Variants in CREB3L1 observed in about 807,000 individuals in gnomAD.
CREB3L1 encodes the protein cyclic AMP-responsive element-binding protein 3-like protein 1.
Under a neutral mutation model 54.5 loss-of-function variants are expected in CREB3L1, and 33 were observed. The observed-to-expected ratio is 0.61, with a 90% CI of 0.46 to 0.81. The LOEUF (loss-of-function observed/expected upper bound fraction) is 0.81. Among genes scored for constraint, CREB3L1 ranks in the 30% least tolerant of loss-of-function variants. CREB3L1 has a pLI of 0.00. For synonymous variants in CREB3L1, 284 were observed against 286.4 expected (o/e 0.99, Z 0.08); for missense variants, 656 against 673.3 (o/e 0.97, Z 0.29).
chr11:46,311,439 T>G lies in CREB3L1; in HGVS notation c.753+250T>G, dbSNP rs142007029. On this transcript the variant is annotated intron_variant, in intron 5 of 11. Coordinates refer to ENST00000621158, the MANE Select transcript of CREB3L1 (RefSeq NM_052854.4). ...ACATCTGCCTCCCAGGTTCAAGCAATTCTCCTGTCTCAGCCTCCCAAGTAG... is the reference window on the plus strand; with the variant it reads ...ACATCTGCCTCCCAGGTTCAAGCAAGTCTCCTGTCTCAGCCTCCCAAGTAG... Among the ~76,000 whole-genome samples, 1,042 of 152,248 alleles carry G rather than the reference T, an allele frequency of 6.8e-3. 16 individuals are homozygous for G. Among genetic ancestry groups the G allele is most frequent in the African/African-American group, 0.024 (997 of 41,538 alleles).
intron 2 of CREB3L1, among the ~76,000 whole-genome samples, chr11:46,302,905 C>T (rs528510398): frequency 4.6e-5 from 7 of 152,178 alleles, no homozygotes; most frequent in African/African-American, 9.6e-5. Flanking sequence ...TGCTTGAACC[C>T]GGGAGGCGGA....
intron 10 of CREB3L1, among the ~76,000 whole-genome samples, chr11:46,318,780 T>TG (rs1349651659): frequency 2.0e-4 from 31 of 151,786 alleles, no homozygotes; most frequent in Non-Finnish European, 3.1e-4. Context: ...AGGAAACAGA[T>TG]GGGAGGTCAG....
At chr11:46,290,864 GC>G (rs1939120418) in intron 1 of CREB3L1, among the ~76,000 whole-genome samples, 1 of 152,098 alleles carries the variant, frequency 6.6e-6, no homozygotes, top group Admixed American at 6.5e-5. Context: ...CACTGGAAGG[GC>G]CCCAGCTGGC....
Position 46,321,074 on chromosome 11 carries a change from C to A in CREB3L1, c.*328C>A, listed in dbSNP as rs2136361612. On this transcript the variant is annotated 3_prime_UTR_variant, in exon 12 of 12. Coordinates refer to ENST00000621158, the MANE Select transcript of CREB3L1 (RefSeq NM_052854.4). ...CACCCAAACAGACACATCAACGCAC[C>A]CCACTCACAGACACCCCTTACCCCA... 1 of 560,788 alleles carries A rather than the reference C, an allele frequency of 1.8e-6. No homozygotes were observed. The highest frequency in any genetic ancestry group is 3.1e-5 in the East Asian group (1 of 32,678). 34.7% of individuals were successfully genotyped at this position (560,788 alleles called of 1,614,324 possible). A position where few individuals can be genotyped will look rare whatever the true frequency, so the allele number is the denominator to read the frequency against.
chr11:46,280,345 G>A (rs1018072492), intron 1 of CREB3L1, among the ~76,000 whole-genome samples: 2 of 151,724 alleles, frequency 1.3e-5, no homozygotes, highest in Non-Finnish European at 2.9e-5. Flanking sequence ...CCGCCACCAC[G>A]CCCGGCTAAT....
intron 1 of CREB3L1, among the ~76,000 whole-genome samples, chr11:46,299,128 C>A (rs4319486): frequency 0.28 from 43,300 of 151,934 alleles, 6,308 homozygotes; most frequent in Middle Eastern, 0.35. Flanking sequence ...GTGCTGTGCA[C>A]TCTGATATTT....
chr11:46,309,576 G>A (rs541005209), intron 3 of CREB3L1, among the ~76,000 whole-genome samples: 3 of 152,184 alleles, frequency 2.0e-5, no homozygotes, highest in Non-Finnish European at 2.9e-5. Flanking sequence ...GAGCATCCTC[G>A]GAGCCCCCAG....
In CREB3L1 at chr11:46,307,949, C is replaced by A. The variant is rs1441402872; in HGVS notation, c.465C>A (p.Thr155=). 2.6e-6 allele frequency: 4 copies of A among 1,566,094 alleles called. No homozygotes were observed. Among genetic ancestry groups the A allele is most frequent in the Non-Finnish European group, 1.7e-6 (2 of 1,157,660 alleles). The change falls in exon 3 of 12, where the codon ACC becomes ACA. Residue 155 remains threonine, a synonymous_variant. Transcript: ENST00000621158. ...SAMAAAAAMA[T]TPLLGLSPLS... is the part of the protein sequence containing the mutation. ...TGGCTGCCGCGGCCGCCATGGCCAC[C>A]ACCCCGCTGCTGGGCCTCAGCCCCT...
intron 2 of CREB3L1, among the ~76,000 whole-genome samples, chr11:46,303,432 C>T (rs1939331887): frequency 6.6e-6 from 1 of 151,830 alleles, no homozygotes; most frequent in East Asian, 1.9e-4. Flanking sequence ...ATTGCTTGAG[C>T]CCAGGAGTTC....
At chr11:46,282,046 G>A (rs1938984450) in intron 1 of CREB3L1, among the ~76,000 whole-genome samples, 1 of 152,142 alleles carries the variant, frequency 6.6e-6, no homozygotes, top group Admixed American at 6.5e-5. Context: ...CAGTGTTGAG[G>A]GAACAGTTCC....
chr11:46,305,284 G>T (rs1161436841), intron 2 of CREB3L1, among the ~76,000 whole-genome samples: 2 of 152,136 alleles, frequency 1.3e-5, no homozygotes, highest in Admixed American at 6.5e-5. Context: ...AGGCCCACTA[G>T]GTGGGCAGGA....
chr11:46,303,675 C>T (rs758993500), intron 2 of CREB3L1, among the ~76,000 whole-genome samples: 2 of 151,732 alleles, frequency 1.3e-5, no homozygotes, highest in Non-Finnish European at 2.9e-5. Context: ...TAATTAGTGA[C>T]TATTTTCACT....
chr11:46,292,195 G>A (rs1388307319), intron 1 of CREB3L1, among the ~76,000 whole-genome samples: 2 of 152,220 alleles, frequency 1.3e-5, no homozygotes, highest in African/African-American at 4.8e-5. Flanking sequence ...CCCGGAGAAT[G>A]GGTACAGCGG....
chr11:46,311,009 T>C (rs755326376), intron 4 of CREB3L1, 23 bp from the exon 5 acceptor site: 23 of 1,551,422 alleles, frequency 1.5e-5, no homozygotes, highest in Admixed American at 7.8e-5. Flanking sequence ...CGTTGCTAAC[T>C]CGGTTTCCCC....
intron 2 of CREB3L1, among the ~76,000 whole-genome samples, chr11:46,306,944 G>A (rs531940289): frequency 3.3e-5 from 5 of 151,244 alleles, no homozygotes; most frequent in African/African-American, 1.2e-4. Flanking sequence ...TGCGATCTCA[G>A]CCCACTGCAA....
chr11:46,320,461 T>C lies in CREB3L1; in HGVS notation c.1456T>C (p.Trp486Arg), dbSNP rs1939633552. ...GACCACCAAGTACCTGAGTGAGGCC[T>C]GGCCTAAAGACGGTGGAAACGGCAC... The part of the protein sequence containing the change: ...HETTKYLSEA[W>R]PKDGGNGTSP... Residue 486 changes from tryptophan to arginine, a missense_variant, in exon 11 of 12, where the codon TGG becomes CGG. Around this residue, in one of 3 missense-constraint regions of CREB3L1, gnomAD observed 240 missense variants for 219.8 expected, o/e 1.09. Transcript: ENST00000621158. The C allele has an allele frequency of 1.9e-6, 3 of 1,605,604 alleles. No homozygotes were observed. Among genetic ancestry groups the C allele is most frequent in the Non-Finnish European group, 2.6e-6 (3 of 1,176,214 alleles).
In CREB3L1 at chr11:46,320,326, A is replaced by T. The variant is rs1176092711; in HGVS notation, c.1321A>T (p.Thr441Ser). The T allele has an allele frequency of 6.2e-6, 10 of 1,612,798 alleles. No individual in the cohort carries two copies. The change falls in exon 11 of 12, where the codon ACC becomes TCC. Residue 441 changes from threonine (T) to serine (S), a missense_variant. Thr to Ser is a moderately conservative substitution (Grantham distance 58). This residue lies in a region of CREB3L1 where 240 missense variants were observed against 219.8 expected (regional missense o/e 1.09). Coordinates refer to ENST00000621158, the MANE Select transcript of CREB3L1 (RefSeq NM_052854.4). ...AGGCTTATGGGAAGATGGCCGCAGC[A>T]CCCTGCTGCCCATGGAGCCCCCAGA... ...GAGLWEDGRS[T>S]LLPMEPPDGW...
rs1939565653 is a variant in CREB3L1, at chr11:46,316,316, G to A, written c.1062G>A (p.Gln354=). 1 of 1,573,020 alleles carries A rather than the reference G, an allele frequency of 6.4e-7. No individual in the cohort carries two copies. The highest frequency in any genetic ancestry group is 8.6e-7 in the Non-Finnish European group (1 of 1,159,410). The change falls in exon 9 of 12, where the codon CAG becomes CAA. Residue 354 remains glutamine (Q), a synonymous_variant. Transcript: ENST00000621158. The stretch of plus-strand genomic sequence containing the variant: ...TGCTCCAGCAGCTGCAGAAACTCCA[G>A]ACTCTGGTCACCAACAAGATCTCCA... ...RTLLQQLQKL[Q]TLVTNKISRP...
In CREB3L1 at chr11:46,308,197, G is replaced by A. The variant is rs76848697; in HGVS notation, c.516+197G>A. 0.031 allele frequency among the ~76,000 whole-genome samples: 4,724 copies of A among 151,984 alleles called. 255 individuals are homozygous for A. Among genetic ancestry groups the A allele is most frequent in the African/African-American group, 0.11 (4,448 of 41,406 alleles). On this transcript the variant is annotated intron_variant, in intron 3 of 11. Transcript: ENST00000621158. ...CTGCCCCCTCACCATACCGCAACGG[G>A]CACAAGCCACAGCCCCCTTGGAGTA...
Sources: gnomAD v4.1 joint callset for allele counts (sites outside exome capture counted in the v4.1 genomes callset) on GRCh38, gnomAD v4.1.1 for gene constraint, gnomAD v4.1.1 regional missense constraint, MANE v1.5 for transcripts, NCBI Gene and HGNC (gene_info 2026-07-23, HGNC 2026-07-21) for gene names.